The following PDCD6 variants were observed in gnomAD, a reference collection of about 807,000 sequenced individuals.
PDCD6 encodes programmed cell death protein 6.
Under a neutral mutation model 28.3 loss-of-function variants are expected in PDCD6, and 12 were observed. That is an observed-to-expected ratio of 0.42 (90% confidence interval 0.27 to 0.69). The LOEUF is 0.69. Among genes scored for constraint, PDCD6 ranks in the 30% least tolerant of loss-of-function variants. PDCD6 has a pLI of 0.22. For synonymous variants in PDCD6, 92 were observed against 108.0 expected (o/e 0.85, Z 0.92); for missense variants, 226 against 269.9 (o/e 0.84, Z 1.14).
chr5:313,460 C>T (rs996552984), intron 5 of PDCD6, among the ~76,000 whole-genome samples: 48 of 151,064 alleles, frequency 3.2e-4, no homozygotes, highest in African/African-American at 1.0e-3. Flanking sequence ...GGCATTCCTG[C>T]AGGGTTGTTT....
intron 2 of PDCD6, among the ~76,000 whole-genome samples, chr5:282,271 T>C (rs1738616651): frequency 5.2e-5 from 2 of 38,296 alleles, no homozygotes; most frequent in African/African-American, 1.5e-4. Flanking sequence ...AGCGGAAAAA[T>C]CGGGGGGGGG....
chr5:304,052 T>A, intron 2 of PDCD6, 125 bp from the exon 3 acceptor site: 1 of 1,371,824 alleles, frequency 7.3e-7, no homozygotes, highest in Non-Finnish European at 1.0e-6. Context: ...TCACCTGGAG[T>A]GTCTAGAAAA....
At position 307,249 on chromosome 5, in the gene PDCD6, G is replaced by GCACACACACA; in HGVS notation, c.367+489_367+490insCACACACACA. On this transcript the variant is annotated intron_variant, in intron 4 of 5. Transcript: ENST00000264933. This position sits in a 1 kb window ranked among gnomAD's most constrained non-coding sequence, Gnocchi z 6.1. ...CTCGGCGTGTGTGTGCTCGGCGTGT[G>GCACACACACA]TGTGCTCGGCGTGTGTGTGCACACG... Among the ~76,000 whole-genome samples, 2 of 118,778 alleles carry GCACACACACA rather than the reference G, an allele frequency of 1.7e-5. No individual in the cohort carries two copies. Among genetic ancestry groups the GCACACACACA allele is most frequent in the African/African-American group, 9.0e-5 (2 of 22,176 alleles). The allele number at this position is 118,778 out of a possible 152,430, so 77.9% of individuals were successfully genotyped here. A position where few individuals can be genotyped will look rare whatever the true frequency, so the allele number is the denominator to read the frequency against.
chr5:304,047 TG>T, intron 2 of PDCD6, 129 bp from the exon 3 acceptor site: 1 of 1,329,160 alleles, frequency 7.5e-7, no homozygotes, highest in Non-Finnish European at 1.0e-6. Context: ...ACACGTCACC[TG>T]GAGTGTCTAG....
At chr5:296,343 CTCTCTCGCCACAG>C (rs1739608117) in intron 2 of PDCD6, among the ~76,000 whole-genome samples, 1 of 152,154 alleles carries the variant, frequency 6.6e-6, no homozygotes, top group Non-Finnish European at 1.5e-5. Context: ...TGGGCCTCTG[CTCTCTCGCCACAG>C]AGGGGTCAGG....
intron 2 of PDCD6, among the ~76,000 whole-genome samples, chr5:282,384 G>C (rs2126699206): frequency 6.6e-6 from 1 of 151,942 alleles, no homozygotes; most frequent in South Asian, 2.1e-4. Flanking sequence ...GAGAGGAGCT[G>C]ATGTTGTAGT....
intron 2 of PDCD6, among the ~76,000 whole-genome samples, chr5:285,201 C>T (rs1240867974): frequency 3.5e-5 from 5 of 142,752 alleles, no homozygotes; most frequent in African/African-American, 7.8e-5. Flanking sequence ...GGGGAGCAGA[C>T]GTTCTAGTTT....
chr5:297,842 A>G (rs577816848), intron 2 of PDCD6, among the ~76,000 whole-genome samples: 3 of 152,352 alleles, frequency 2.0e-5, no homozygotes, highest in Non-Finnish European at 2.9e-5. Context: ...GTCCTTTAAT[A>G]CAAAAAGTAT....
At chr5:278,562 A>T (rs1165246575) in intron 2 of PDCD6, among the ~76,000 whole-genome samples, 4 of 144,580 alleles carry the variant, frequency 2.8e-5, no homozygotes, top group Non-Finnish European at 4.5e-5. Flanking sequence ...AAAAAAAAAA[A>T]TTTAGCTGGG....
intron 2 of PDCD6, among the ~76,000 whole-genome samples, chr5:282,010 A>G (rs1217478386): frequency 3.1e-5 from 4 of 130,798 alleles, no homozygotes; most frequent in Admixed American, 3.0e-4. Context: ...CTGATATTCT[A>G]GTTTGAGGGC....
intron 2 of PDCD6, among the ~76,000 whole-genome samples, chr5:301,300 G>A (rs1166515244): frequency 2.0e-5 from 3 of 152,208 alleles, no homozygotes; most frequent in African/African-American, 7.2e-5. Flanking sequence ...TCACCCTTGT[G>A]TGCAGACACT....
intron 2 of PDCD6, chr5:290,041 T>C (rs1293733752): frequency 4.4e-6 from 7 of 1,590,172 alleles, no homozygotes; most frequent in Non-Finnish European, 5.2e-6. Context: ...AGGGATACTG[T>C]TAAATCCAGT....
chr5:277,912 CAAAAAAAAAA>C (rs529926870), intron 2 of PDCD6, among the ~76,000 whole-genome samples: 3 of 111,068 alleles, frequency 2.7e-5, no homozygotes, highest in Non-Finnish European at 5.3e-5. Context: ...GACTCCATCT[CAAAAAAAAAA>C]AAAAAAAAGA....
chr5:289,113 T>TA, intron 2 of PDCD6: 2 of 1,183,260 alleles, frequency 1.7e-6, no homozygotes, highest in Middle Eastern at 2.9e-4. Flanking sequence ...TTTTTCTTGA[T>TA]TTTTTCTTTC....
chr5:301,289 G>A (rs1178490162), intron 2 of PDCD6, among the ~76,000 whole-genome samples: 2 of 152,216 alleles, frequency 1.3e-5, no homozygotes, highest in Middle Eastern at 3.2e-3. Flanking sequence ...GTCAGAGCAG[G>A]TCACCCTTGT....
At chr5:290,772 G>A (rs1739266978) in intron 2 of PDCD6, among the ~76,000 whole-genome samples, 1 of 152,238 alleles carries the variant, frequency 6.6e-6, no homozygotes, top group Non-Finnish European at 1.5e-5. Flanking sequence ...CTGCTCCACT[G>A]CTATGATGGT....
At chr5:294,464 G>A (rs572852388) in intron 2 of PDCD6, among the ~76,000 whole-genome samples, 1 of 152,240 alleles carries the variant, frequency 6.6e-6, no homozygotes, top group Non-Finnish European at 1.5e-5. Context: ...CAACGTCGTA[G>A]AGATGCTGGA....
chr5:297,677 C>A lies in PDCD6; in HGVS notation c.164-6500C>A, dbSNP rs554843008. 2.1e-4 allele frequency among the ~76,000 whole-genome samples: 32 copies of A among 152,274 alleles called. No homozygotes were observed. The South Asian group carries it at 5.4e-3, about 26-fold the overall frequency. Reference sequence around the variant, plus strand: ...CACAGCACGAGATCTTCCCTCTCAGCCAATCGCAAACGGCCCACAAGAAAA... The same window carrying A: ...CACAGCACGAGATCTTCCCTCTCAGACAATCGCAAACGGCCCACAAGAAAA... On this transcript the variant is annotated intron_variant, in intron 2 of 5. Transcript: ENST00000264933.
intron 2 of PDCD6, among the ~76,000 whole-genome samples, chr5:302,680 G>A (rs1740177352): frequency 3.4e-5 from 5 of 148,706 alleles, no homozygotes; most frequent in African/African-American, 1.3e-4. Flanking sequence ...CTGGAGGGTG[G>A]GTCATCGAGT....
Sources: allele counts gnomAD v4.1 joint callset (sites outside exome capture counted in the v4.1 genomes callset), GRCh38; gene constraint gnomAD v4.1.1; non-coding constraint Gnocchi (gnomAD v3.1); transcripts MANE v1.5; gene names NCBI Gene and HGNC (gene_info 2026-07-23, HGNC 2026-07-21).